Variants in ARL13B observed in about 807,000 individuals in gnomAD.
ARL13B encodes the protein ARF like GTPase 13B.
ARL13B carries 36 observed loss-of-function variants against 56.1 expected under a neutral mutation model. The observed-to-expected ratio is 0.64, with a 90% CI of 0.49 to 0.85. The LOEUF (loss-of-function observed/expected upper bound fraction) is 0.85, where lower values mean the gene tolerates loss of function less well. ARL13B is among the 40% of genes least tolerant of loss of function. The pLI is 0.00. For missense variants in ARL13B, 519 were observed against 507.1 expected (o/e 1.02, Z -0.23); for synonymous variants, 178 against 171.1 (o/e 1.04, Z -0.32).
intron 7 of ARL13B, among the ~76,000 whole-genome samples, chr3:94,048,597 AT>A (rs1033818480): frequency 1.1e-3 from 158 of 147,440 alleles, no homozygotes; most frequent in East Asian, 7.3e-3. Context: ...TATTTATTTG[AT>A]TTTTTTTTTT....
rs768118905 is a variant in ARL13B at position 94,043,005 on chromosome 3, T to C, written c.799-10T>C. The C allele has an allele frequency of 1.9e-6, 3 of 1,588,490 alleles. No individual in the cohort carries two copies. The highest frequency in any genetic ancestry group is 1.7e-5 in the Admixed American group (1 of 57,840). ...TCATAGTAAAGATAATGTATTTTAT[T>C]TTTTGTTAGAATGAAGGAAAACTTG... On this transcript the variant is annotated splice_polypyrimidine_tract_variant and intron_variant, in intron 6 of 9. Transcript: ENST00000394222.
intron 5 of ARL13B, among the ~76,000 whole-genome samples, chr3:94,039,054 A>G (rs985289151): frequency 6.6e-6 from 1 of 152,228 alleles, no homozygotes. Context: ...ATATACTTCT[A>G]TAGAATCAAT....
At chr3:94,032,960 A>G (rs1418177379) in intron 3 of ARL13B, among the ~76,000 whole-genome samples, 6 of 152,242 alleles carry the variant, frequency 3.9e-5, no homozygotes, top group African/African-American at 9.6e-5. Context: ...TAGGGAGTCA[A>G]CCTAAATGTC....
intron 3 of ARL13B, among the ~76,000 whole-genome samples, chr3:94,021,968 A>T (rs972309127): frequency 6.6e-6 from 1 of 151,878 alleles, no homozygotes; most frequent in African/African-American, 2.4e-5. Flanking sequence ...TATATATCTG[A>T]CCCTTACCTG....
intron 3 of ARL13B, among the ~76,000 whole-genome samples, chr3:94,030,295 C>T (rs1291060491): frequency 3.3e-5 from 5 of 151,916 alleles, no homozygotes; most frequent in South Asian, 2.1e-4. Context: ...GGCGCGATCT[C>T]GGCTCACTGC....
At chr3:94,018,689 T>C (rs1424426923) in intron 3 of ARL13B, among the ~76,000 whole-genome samples, 1 of 152,192 alleles carries the variant, frequency 6.6e-6, no homozygotes, top group East Asian at 1.9e-4. Context: ...ATAATCTTCC[T>C]GTGAACCCGT....
In ARL13B at chr3:93,980,322, C is replaced by T. The variant is rs756454194; in HGVS notation, c.-102C>T. 5.4e-6 allele frequency: 8 copies of T among 1,473,810 alleles called. No homozygotes were observed. Among genetic ancestry groups the T allele is most frequent in the Non-Finnish European group, 6.6e-6 (7 of 1,064,952 alleles). The allele number at this position is 1,473,810 out of a possible 1,614,324, so 91.3% of individuals were successfully genotyped here. ...TCCCGGCTTTTCCTCCCGACTTATCCACTTTAGGGGCGTCTCGGAGTGCCG... is the reference window on the plus strand; with the variant it reads ...TCCCGGCTTTTCCTCCCGACTTATCTACTTTAGGGGCGTCTCGGAGTGCCG... On this transcript the variant is annotated 5_prime_UTR_variant, in exon 1 of 10. Coordinates refer to ENST00000394222, the MANE Select transcript of ARL13B (RefSeq NM_001174150.2).
In ARL13B at chr3:93,982,819, G is replaced by A. The variant is rs533614615; in HGVS notation, c.59+2337G>A. Among the ~76,000 whole-genome samples the A allele has an allele frequency of 2.0e-4, 31 of 152,198 alleles. No individual in the cohort carries two copies. In the South Asian group the frequency reaches 6.2e-3, roughly 31 times the overall value. ...ATTTGCCAAATATTGTATGTAGTTC[G>A]ATTTTTCTTAGTAATAATCATCCTG... On this transcript the variant is annotated intron_variant, in intron 1 of 9. Coordinates refer to ENST00000394222, the MANE Select transcript of ARL13B (RefSeq NM_001174150.2).
At chr3:94,022,858 C>T (rs925289714) in intron 3 of ARL13B, among the ~76,000 whole-genome samples, 3 of 151,972 alleles carry the variant, frequency 2.0e-5, no homozygotes, top group African/African-American at 7.2e-5. Context: ...TATTAATTAC[C>T]AAAGTTTTTC....
At chr3:94,008,397 C>A (rs970001424) in intron 3 of ARL13B, among the ~76,000 whole-genome samples, 7 of 152,166 alleles carry the variant, frequency 4.6e-5, no homozygotes, top group Non-Finnish European at 7.4e-5. Context: ...GTAGTCTTGA[C>A]AAAGAAGGCC....
chr3:94,018,258 G>C (rs533909975), intron 3 of ARL13B, among the ~76,000 whole-genome samples: 1 of 151,770 alleles, frequency 6.6e-6, no homozygotes, highest in Non-Finnish European at 1.5e-5. Context: ...TCCTGGGGAG[G>C]GGGTGGGAGT....
chr3:94,001,794 G>A (rs984508666), intron 2 of ARL13B, among the ~76,000 whole-genome samples: 1 of 152,106 alleles, frequency 6.6e-6, no homozygotes, highest in Non-Finnish European at 1.5e-5. Flanking sequence ...ACTGATGATT[G>A]CCTGGGGTTC....
intron 3 of ARL13B, among the ~76,000 whole-genome samples, chr3:94,020,635 G>A (rs2106995956): frequency 1.3e-5 from 2 of 152,240 alleles, no homozygotes; most frequent in Middle Eastern, 3.4e-3. Flanking sequence ...TCAGGAAAAG[G>A]TGTTTTATAG....
At chr3:94,008,324 A>G (rs755493234) in intron 3 of ARL13B, among the ~76,000 whole-genome samples, 2 of 152,164 alleles carry the variant, frequency 1.3e-5, no homozygotes, top group Non-Finnish European at 2.9e-5. Flanking sequence ...TTTAGAGCTT[A>G]ATTAATCTAG....
intron 3 of ARL13B, chr3:94,014,845 C>T (rs764313254): frequency 1.4e-5 from 22 of 1,613,884 alleles, no homozygotes; most frequent in East Asian, 1.3e-4. Flanking sequence ...CTGAAAATGG[C>T]GGAACATTGC....
At chr3:94,020,663 G>A (rs918204751) in intron 3 of ARL13B, among the ~76,000 whole-genome samples, 5 of 152,058 alleles carry the variant, frequency 3.3e-5, no homozygotes, top group South Asian at 2.1e-4. Context: ...AAGTTTATTC[G>A]GAAACATTTG....
At chr3:94,029,092 A>G (rs2076615332) in intron 3 of ARL13B, among the ~76,000 whole-genome samples, 1 of 151,400 alleles carries the variant, frequency 6.6e-6, no homozygotes, top group Non-Finnish European at 1.5e-5. Flanking sequence ...TAAATTTTAT[A>G]TAGAACTAAA....
intron 2 of ARL13B, among the ~76,000 whole-genome samples, chr3:93,997,241 C>T (rs2075983333): frequency 6.6e-6 from 1 of 152,134 alleles, no homozygotes; most frequent in Non-Finnish European, 1.5e-5. Flanking sequence ...CACCTCTATC[C>T]TCCAGTCCAT....
In ARL13B at chr3:93,980,321, C is replaced by T. The variant is rs750994425; in HGVS notation, c.-103C>T. The stretch of plus-strand genomic sequence containing the variant: ...CTCCCGGCTTTTCCTCCCGACTTAT[C>T]CACTTTAGGGGCGTCTCGGAGTGCC... On this transcript the variant is annotated 5_prime_UTR_variant, in exon 1 of 10. Transcript: ENST00000394222. The T allele has an allele frequency of 4.1e-6, 6 of 1,468,682 alleles. No individual in the cohort carries two copies. Among genetic ancestry groups the T allele is most frequent in the Middle Eastern group, 1.7e-4 (1 of 5,800 alleles). The allele number at this position is 1,468,682 out of a possible 1,614,324, so 91.0% of individuals were successfully genotyped here.
Sources: allele counts gnomAD v4.1 joint callset (sites outside exome capture counted in the v4.1 genomes callset), GRCh38; gene constraint gnomAD v4.1.1; transcripts MANE v1.5; gene names NCBI Gene and HGNC (gene_info 2026-07-23, HGNC 2026-07-21).